The following ENOX1 variants were observed in gnomAD, a reference collection of about 807,000 sequenced individuals.
ENOX1 encodes ecto-NOX disulfide-thiol exchanger 1, also known as candidate growth-related and time keeping constitutive hydroquinone (NADH) oxidase.
ENOX1 carries 42 observed loss-of-function variants against 82.5 expected under a neutral mutation model. That is an observed-to-expected ratio of 0.51 (90% CI 0.40 to 0.66). The LOEUF is 0.66. Ranked by LOEUF, ENOX1 falls within the 30% of genes least tolerant of loss-of-function variation. The pLI is 0.00. For missense variants in ENOX1, 608 were observed against 811.6 expected (o/e 0.75, Z 3.05); for synonymous variants, 271 against 282.2 (o/e 0.96, Z 0.40).
chr13:43,687,343 T>C (rs779793808), intron 1 of ENOX1, among the ~76,000 whole-genome samples: 6 of 152,304 alleles, frequency 3.9e-5, no homozygotes, highest in African/African-American at 9.6e-5. Context: ...GACACAGTCA[T>C]ATTGGACGGG....
chr13:43,713,495 T>C (rs868803344), intron 1 of ENOX1, among the ~76,000 whole-genome samples: 2 of 152,054 alleles, frequency 1.3e-5, no homozygotes, highest in Non-Finnish European at 2.9e-5. Flanking sequence ...ATGGTACCAG[T>C]TCCTCCTTGT....
At chr13:43,655,942 G>C (rs17460861) in intron 2 of ENOX1, among the ~76,000 whole-genome samples, 37,041 of 152,128 alleles carry the variant, frequency 0.24, 5,012 homozygotes, top group Non-Finnish European at 0.32. Flanking sequence ...TTCATATCCA[G>C]AATATCCTGG....
At chr13:43,542,830 TG>T (rs2078801721) in intron 2 of ENOX1, among the ~76,000 whole-genome samples, 1 of 152,228 alleles carries the variant, frequency 6.6e-6, no homozygotes, top group Admixed American at 6.5e-5. Context: ...TTCCAGAGGC[TG>T]GGAAGTCCAA....
intron 10 of ENOX1, among the ~76,000 whole-genome samples, chr13:43,323,089 T>C (rs2047907391): frequency 6.6e-6 from 1 of 152,228 alleles, no homozygotes; most frequent in Non-Finnish European, 1.5e-5. Flanking sequence ...ACATTATTAT[T>C]TCTCATGCAA....
At chr13:43,355,529 C>G (rs2050090551) in intron 8 of ENOX1, among the ~76,000 whole-genome samples, 1 of 152,218 alleles carries the variant, frequency 6.6e-6, no homozygotes, top group Admixed American at 6.5e-5. Context: ...GAACGCCCCA[C>G]CAATGGCACA....
intron 1 of ENOX1, among the ~76,000 whole-genome samples, chr13:43,712,781 G>A (rs1335501998): frequency 1.3e-5 from 2 of 152,158 alleles, no homozygotes; most frequent in Non-Finnish European, 2.9e-5. Flanking sequence ...GAGATTTGCT[G>A]AAGTTGCTTA....
At chr13:43,448,520 T>C (rs2056780174) in intron 3 of ENOX1, among the ~76,000 whole-genome samples, 1 of 152,198 alleles carries the variant, frequency 6.6e-6, no homozygotes, top group African/African-American at 2.4e-5. Context: ...ACAAATTGAC[T>C]ATATTTTATT....
At chr13:43,741,636 A>C (rs1402159973) in intron 1 of ENOX1, among the ~76,000 whole-genome samples, 1 of 152,198 alleles carries the variant, frequency 6.6e-6, no homozygotes, top group Non-Finnish European at 1.5e-5. Context: ...TATCCAATAT[A>C]CAAGTCCCTT....
intron 2 of ENOX1, among the ~76,000 whole-genome samples, chr13:43,661,995 T>G (rs1196600955): frequency 3.7e-4 from 6 of 16,192 alleles, no homozygotes; most frequent in African/African-American, 9.7e-4. Context: ...AACAGATTGA[T>G]TTTTTTTTAT....
chr13:43,759,241 C>A (rs144749228), intron 1 of ENOX1, among the ~76,000 whole-genome samples: 1 of 151,406 alleles, frequency 6.6e-6, no homozygotes, highest in Non-Finnish European at 1.5e-5. Context: ...GGATTACAGG[C>A]GCCTGCCACC....
At chr13:43,378,342 C>T (rs1347024942) in intron 5 of ENOX1, among the ~76,000 whole-genome samples, 2 of 152,114 alleles carry the variant, frequency 1.3e-5, no homozygotes, top group Non-Finnish European at 2.9e-5. Flanking sequence ...GGGTAAAGTA[C>T]CAGAGAGAAG....
chr13:43,553,859 T>C (rs2079316459), intron 2 of ENOX1, among the ~76,000 whole-genome samples: 1 of 152,220 alleles, frequency 6.6e-6, no homozygotes, highest in South Asian at 2.1e-4. Context: ...GCGATTCTCC[T>C]GCTTCAGCCT....
At chr13:43,648,107 T>G (rs1185689429) in intron 2 of ENOX1, among the ~76,000 whole-genome samples, 1 of 152,260 alleles carries the variant, frequency 6.6e-6, no homozygotes, top group Non-Finnish European at 1.5e-5. Flanking sequence ...ACATCTGTGT[T>G]GTTCAAGCCA....
intron 2 of ENOX1, among the ~76,000 whole-genome samples, chr13:43,565,927 A>C (rs2079897294): frequency 1.3e-5 from 2 of 152,174 alleles, no homozygotes; most frequent in Non-Finnish European, 2.9e-5. Flanking sequence ...ATAGAAAATG[A>C]ATCTCACTGG....
chr13:43,346,586 C>CT (rs2049394179), intron 8 of ENOX1, among the ~76,000 whole-genome samples: 1 of 152,200 alleles, frequency 6.6e-6, no homozygotes, highest in Non-Finnish European at 1.5e-5. Flanking sequence ...GAATTTCAGT[C>CT]TAAGTTCAAC....
intron 5 of ENOX1, among the ~76,000 whole-genome samples, chr13:43,406,687 G>C (rs1415620137): frequency 6.6e-6 from 1 of 151,890 alleles, no homozygotes; most frequent in Non-Finnish European, 1.5e-5. Context: ...TAGAGATGGG[G>C]TTTCACCGTG....
At chr13:43,655,010 C>A (rs1391156223) in intron 2 of ENOX1, among the ~76,000 whole-genome samples, 2 of 152,154 alleles carry the variant, frequency 1.3e-5, no homozygotes, top group Non-Finnish European at 2.9e-5. Flanking sequence ...TGCTGCCACA[C>A]CTCTGCTCCT....
In ENOX1 at chr13:43,365,983, T is replaced by C. The variant is rs146032277; in HGVS notation, c.209-4531A>G. On this transcript the variant is annotated intron_variant, in intron 5 of 16. Coordinates refer to ENST00000690772, the MANE Select transcript of ENOX1 (RefSeq NM_001347969.2). ...TCCAGAATTACTGGGTTAAAATTAC[T>C]GACCTATCATCACTCTGCAGAGAAG... Among the ~76,000 whole-genome samples, 16 of 152,374 alleles carry C rather than the reference T, an allele frequency of 1.1e-4. No homozygotes were observed. In the East Asian group the frequency reaches 3.1e-3, roughly 29 times the overall value.
chr13:43,469,981 G>T (rs1323383838), intron 3 of ENOX1, among the ~76,000 whole-genome samples: 2 of 151,690 alleles, frequency 1.3e-5, no homozygotes, highest in Admixed American at 1.3e-4. Context: ...TATTTATGTG[G>T]TCATTTGATC....
Sources: allele counts gnomAD v4.1 joint callset (sites outside exome capture counted in the v4.1 genomes callset), GRCh38; gene constraint gnomAD v4.1.1; transcripts MANE v1.5; gene names NCBI Gene and HGNC (gene_info 2026-07-23, HGNC 2026-07-21).